The following DENND1A variants were observed in gnomAD, a reference collection of about 807,000 sequenced individuals.
The protein encoded by DENND1A is DENN domain-containing protein 1A.
DENND1A carries 51 observed loss-of-function variants against 113.7 expected under a neutral mutation model. The observed-to-expected ratio is 0.45, with a 90% CI of 0.36 to 0.57. The LOEUF (loss-of-function observed/expected upper bound fraction) is 0.57, where lower values mean the gene tolerates loss of function less well. Among genes scored for constraint, DENND1A ranks in the 20% least tolerant of loss-of-function variants. The pLI is 0.00. For missense variants in DENND1A, 1,258 were observed against 1,395.9 expected (o/e 0.90, Z 1.57); for synonymous variants, 565 against 570.8 (o/e 0.99, Z 0.14).
At position 123,381,339 on chromosome 9, in the gene DENND1A, C is replaced by G; in HGVS notation, c.*93G>C. 3.1e-6 allele frequency: 4 copies of G among 1,300,694 alleles called. No individual in the cohort carries two copies. Among genetic ancestry groups the G allele is most frequent in the Admixed American group, 1.9e-5 (1 of 52,746 alleles). The allele number at this position is 1,300,694 out of a possible 1,614,324, so 80.6% of individuals were successfully genotyped here. On this transcript the variant is annotated 3_prime_UTR_variant, in exon 24 of 24. Transcript: ENST00000394215. The surrounding 1 kb of genome is among the most constrained non-coding windows in gnomAD (Gnocchi z 4.7). ...GTCCCATCCCTTCCCACCAGCAGAA[C>G]CTGGGCAGAGAGAGAGTGGCGGGGG...
chr9:123,429,621 T>C (rs975166236), intron 19 of DENND1A, among the ~76,000 whole-genome samples: 61 of 152,162 alleles, frequency 4.0e-4, no homozygotes, highest in African/African-American at 1.2e-3. Flanking sequence ...CAAATGGTGC[T>C]GGGAGAAGTG....
At chr9:123,494,804 T>C (rs1220166074) in intron 13 of DENND1A, among the ~76,000 whole-genome samples, 1 of 152,100 alleles carries the variant, frequency 6.6e-6, no homozygotes, top group East Asian at 1.9e-4. Context: ...TTGTACTTTT[T>C]TTTTTGAGAC....
At position 123,929,908 on chromosome 9, in the gene DENND1A, TC is replaced by T. The variant is rs1160263005; in HGVS notation, c.-4del. ...ACTCACTTGATCCTGGAGCCCATGGTCCCCAGGCCTCCTCATGGGCCCGCGG... is the reference window on the plus strand; with the variant it reads ...ACTCACTTGATCCTGGAGCCCATGGTCCCAGGCCTCCTCATGGGCCCGCGG... On this transcript the variant is annotated 5_prime_UTR_variant, in exon 1 of 24. Coordinates refer to ENST00000394215, the MANE Select transcript of DENND1A (RefSeq NM_001352964.2). 4 of 331,234 alleles carry T rather than the reference TC, an allele frequency of 1.2e-5. No homozygotes were observed. The highest frequency in any genetic ancestry group is 1.1e-5 in the Non-Finnish European group (2 of 178,494). The allele number at this position is 331,234 out of a possible 1,614,324, so 20.5% of individuals were successfully genotyped here.
At chr9:123,913,015 T>A (rs1040798441) in intron 1 of DENND1A, among the ~76,000 whole-genome samples, 1 of 147,398 alleles carries the variant, frequency 6.8e-6, no homozygotes, top group Non-Finnish European at 1.5e-5. Flanking sequence ...GGAAGCAGAG[T>A]AGGGAACCTG....
chr9:123,446,376 A>G (rs969062072), intron 18 of DENND1A, among the ~76,000 whole-genome samples: 1 of 152,162 alleles, frequency 6.6e-6, no homozygotes, highest in African/African-American at 2.4e-5. Context: ...GTTGTGTGAT[A>G]AGGTGTGAAA....
At chr9:123,843,118 C>T (rs898021560) in intron 2 of DENND1A, 11 of 546,726 alleles carry the variant, frequency 2.0e-5, no homozygotes, top group Non-Finnish European at 3.7e-5. Context: ...TTCATTCCAT[C>T]ATTCTTCTTG....
At chr9:123,392,616 C>A (rs751173590) in intron 21 of DENND1A, among the ~76,000 whole-genome samples, 3 of 152,204 alleles carry the variant, frequency 2.0e-5, no homozygotes, top group Non-Finnish European at 4.4e-5. Flanking sequence ...CCTAGTCAGG[C>A]TACCTTGGAA....
At chr9:123,460,152 T>C (rs1301163580) in intron 13 of DENND1A, among the ~76,000 whole-genome samples, 2 of 152,208 alleles carry the variant, frequency 1.3e-5, no homozygotes, top group Non-Finnish European at 2.9e-5. Context: ...ATGCAAACTT[T>C]ATTTTGTGTA....
intron 5 of DENND1A, among the ~76,000 whole-genome samples, chr9:123,718,995 A>C (rs1327457999): frequency 6.6e-6 from 1 of 152,082 alleles, no homozygotes; most frequent in Non-Finnish European, 1.5e-5. Context: ...GTCTCACGAG[A>C]TCTGACAGTT....
intron 1 of DENND1A, among the ~76,000 whole-genome samples, chr9:123,895,318 G>A (rs555945378): frequency 9.5e-4 from 144 of 152,120 alleles, no homozygotes; most frequent in African/African-American, 3.4e-3. Context: ...TGATGAGCTT[G>A]CAAGAAAATA....
At chr9:123,425,743 G>C (rs1432912896) in intron 19 of DENND1A, among the ~76,000 whole-genome samples, 4 of 152,246 alleles carry the variant, frequency 2.6e-5, no homozygotes, top group African/African-American at 9.6e-5. Context: ...CCAGCATAGG[G>C]ACAGTGCCGG....
At chr9:123,611,038 T>C (rs1364808346) in intron 10 of DENND1A, among the ~76,000 whole-genome samples, 2 of 152,260 alleles carry the variant, frequency 1.3e-5, no homozygotes, top group East Asian at 3.8e-4. Context: ...AGTAATATAA[T>C]ATGTCTTGGG....
intron 19 of DENND1A, among the ~76,000 whole-genome samples, chr9:123,416,533 C>A (rs2044740516): frequency 6.6e-6 from 1 of 152,370 alleles, no homozygotes; most frequent in African/African-American, 2.4e-5. Context: ...ATGTGATCCT[C>A]TGTCCCCTGG....
intron 5 of DENND1A, among the ~76,000 whole-genome samples, chr9:123,716,034 T>C (rs1160241857): frequency 2.0e-5 from 3 of 152,200 alleles, no homozygotes; most frequent in Non-Finnish European, 4.4e-5. Flanking sequence ...TGTGCTGCTC[T>C]GGAGCACTCC....
chr9:123,844,643 C>T (rs996685783), intron 2 of DENND1A, among the ~76,000 whole-genome samples: 1 of 152,072 alleles, frequency 6.6e-6, no homozygotes, highest in Non-Finnish European at 1.5e-5. Flanking sequence ...GACAATCCTC[C>T]CCAAATGAAT....
At chr9:123,847,414 A>C (rs1842771627) in intron 2 of DENND1A, among the ~76,000 whole-genome samples, 1 of 152,216 alleles carries the variant, frequency 6.6e-6, no homozygotes, top group African/African-American at 2.4e-5. Flanking sequence ...GACATATATC[A>C]TTGCTAAACT....
At chr9:123,382,747 C>T in intron 23 of DENND1A, 122 bp from the exon 24 acceptor site, 2 of 1,090,540 alleles carry the variant, frequency 1.8e-6, no homozygotes, top group South Asian at 3.0e-5. Flanking sequence ...CTGATCAGCT[C>T]CTCGGACTTG....
rs1434922486 is a variant in DENND1A at position 123,381,674 on chromosome 9, T to A, written c.2971A>T (p.Ser991Cys). The A allele has an allele frequency of 1.3e-6, 2 of 1,593,904 alleles. No homozygotes were observed. The highest frequency in any genetic ancestry group is 2.7e-5 in the African/African-American group (2 of 74,290). ...TGCTTGGTCTCAGCAGCCCTGGCACTTGAGCGGGCCAGGGGCAACGTTCGG... is the reference window on the plus strand; with the variant it reads ...TGCTTGGTCTCAGCAGCCCTGGCACATGAGCGGGCCAGGGGCAACGTTCGG... Reference protein sequence around the residue: ...RIRTLPLARSSARAAETKQGL... With the variant: ...RIRTLPLARSCARAAETKQGL... Residue 991 changes from serine to cysteine, a missense_variant, in exon 24 of 24, where the codon AGT (serine) becomes TGT (cysteine). This residue lies in a region of DENND1A where 1,159 missense variants were observed against 1,231.7 expected (regional missense o/e 0.94). Coordinates refer to ENST00000394215, the MANE Select transcript of DENND1A (RefSeq NM_001352964.2). This position sits in a 1 kb window ranked among gnomAD's most constrained non-coding sequence, Gnocchi z 4.7.
chr9:123,658,967 T>C (rs1010832127), intron 8 of DENND1A, among the ~76,000 whole-genome samples: 1 of 152,220 alleles, frequency 6.6e-6, no homozygotes, highest in Admixed American at 6.5e-5. Flanking sequence ...GGGTGAATCC[T>C]GGTTTTAGCA....
Sources: gnomAD v4.1 joint callset for allele counts (sites outside exome capture counted in the v4.1 genomes callset) on GRCh38, gnomAD v4.1.1 for gene constraint, gnomAD v4.1.1 regional missense constraint, Gnocchi (gnomAD v3.1) non-coding constraint, MANE v1.5 for transcripts, NCBI Gene and HGNC (gene_info 2026-07-23, HGNC 2026-07-21) for gene names.